The following SCN8A variants were observed in gnomAD, a reference collection of about 807,000 sequenced individuals.
SCN8A encodes sodium channel protein type 8 subunit alpha.
Under a neutral mutation model 184.1 loss-of-function variants are expected in SCN8A, and 30 were observed. The ratio of observed to expected loss-of-function variants is 0.16; its 90% confidence interval spans 0.12 to 0.22. The LOEUF is 0.22. Among genes scored for constraint, SCN8A ranks in the 10% least tolerant of loss-of-function variants. SCN8A has a pLI of 1.00. For missense variants in SCN8A, 1,057 were observed against 2,498.9 expected (o/e 0.42, Z 12.30); for synonymous variants, 852 against 907.0 (o/e 0.94, Z 1.09).
At chr12:51,752,388 G>A (rs557454278) in intron 14 of SCN8A, among the ~76,000 whole-genome samples, 64 of 151,880 alleles carry the variant, frequency 4.2e-4, no homozygotes, top group Non-Finnish European at 2.8e-4. Flanking sequence ...TTTCTCTTAT[G>A]TGTGCTCTCT....
chr12:51,772,776 T>G, intron 19 of SCN8A, among the ~76,000 whole-genome samples: 1 of 149,194 alleles, frequency 6.7e-6, no homozygotes, highest in South Asian at 2.1e-4. Context: ...GTCAGGAGAT[T>G]GAGACCATCC....
chr12:51,775,566 G>A (rs1937665769), intron 20 of SCN8A, among the ~76,000 whole-genome samples: 1 of 152,210 alleles, frequency 6.6e-6, no homozygotes, highest in Admixed American at 6.5e-5. Context: ...AGCGAGAGAT[G>A]TTAGCATCCC....
At chr12:51,694,222 C>T (rs1301252587) in intron 6 of SCN8A, among the ~76,000 whole-genome samples, 3 of 152,194 alleles carry the variant, frequency 2.0e-5, no homozygotes, top group African/African-American at 2.4e-5. Context: ...TGTGAGCCAC[C>T]GTGCCTGGCA....
In SCN8A at chr12:51,794,315, G is replaced by GT. The variant is rs1455600754; in HGVS notation, c.4525-54dup. 160 of 1,548,562 alleles carry GT rather than the reference G, an allele frequency of 1.0e-4. 1 individual carries two copies. In the African/African-American group the frequency reaches 2.0e-3, roughly 20 times the overall value. On this transcript the variant is annotated intron_variant, in intron 25 of 26. Transcript: ENST00000627620. ...ATTAGCAGGGTGACAGCTTCCATAG[G>GT]TTGGCTTGGAAAGGTTTTCATGAAT...
At chr12:51,604,323 C>G (rs1939535446) in intron 1 of SCN8A, among the ~76,000 whole-genome samples, 1 of 150,384 alleles carries the variant, frequency 6.6e-6, no homozygotes. Context: ...GTTCAAAAGA[C>G]TGTCTTTCTC....
At chr12:51,670,815 G>A (rs1941117432) in intron 2 of SCN8A, among the ~76,000 whole-genome samples, 2 of 152,068 alleles carry the variant, frequency 1.3e-5, no homozygotes, top group South Asian at 4.2e-4. Context: ...GGAAGGAATC[G>A]AGCATGCAAT....
At chr12:51,642,026 T>C (rs756399408) in intron 1 of SCN8A, among the ~76,000 whole-genome samples, 1 of 152,242 alleles carries the variant, frequency 6.6e-6, no homozygotes, top group African/African-American at 2.4e-5. Context: ...GCCCGCATTG[T>C]ATACTAGTTG....
At chr12:51,716,787 G>A (rs535672779) in intron 11 of SCN8A, among the ~76,000 whole-genome samples, 23 of 152,164 alleles carry the variant, frequency 1.5e-4, no homozygotes, top group Non-Finnish European at 3.2e-4. Context: ...GGGCTTGTAC[G>A]CTGAACCTCA....
intron 12 of SCN8A, among the ~76,000 whole-genome samples, chr12:51,745,035 G>A (rs1407540702): frequency 1.3e-5 from 2 of 152,080 alleles, no homozygotes; most frequent in African/African-American, 2.4e-5. Flanking sequence ...CTAAAGAGCT[G>A]GATTAGTTTT....
intron 26 of SCN8A, among the ~76,000 whole-genome samples, chr12:51,803,177 A>G (rs1938603041): frequency 6.6e-6 from 1 of 152,180 alleles, no homozygotes; most frequent in South Asian, 2.1e-4. Context: ...TCTGTGGCCA[A>G]AGGCCCGAGA....
chr12:51,615,334 C>A (rs780000116), intron 1 of SCN8A, among the ~76,000 whole-genome samples: 4 of 152,098 alleles, frequency 2.6e-5, no homozygotes, highest in African/African-American at 4.8e-5. Flanking sequence ...GTGGGCAGAT[C>A]GCTTGAGCCC....
chr12:51,633,486 C>T (rs1198409514), intron 1 of SCN8A, among the ~76,000 whole-genome samples: 5 of 152,208 alleles, frequency 3.3e-5, no homozygotes, highest in African/African-American at 4.8e-5. Flanking sequence ...TTTGCTTTCA[C>T]CAGTTATGCT....
At chr12:51,660,896 TG>T (rs1940912322) in intron 1 of SCN8A, among the ~76,000 whole-genome samples, 1 of 152,010 alleles carries the variant, frequency 6.6e-6, no homozygotes, top group South Asian at 2.1e-4. Flanking sequence ...AGGGATTTAT[TG>T]GGGGGCAATG....
chr12:51,627,515 G>C (rs1940105807), intron 1 of SCN8A, among the ~76,000 whole-genome samples: 2 of 152,134 alleles, frequency 1.3e-5, no homozygotes, highest in Non-Finnish European at 2.9e-5. Context: ...CCAAGTAGCT[G>C]GGATTACAGG....
intron 1 of SCN8A, among the ~76,000 whole-genome samples, chr12:51,616,940 C>T (rs1386080914): frequency 1.3e-5 from 2 of 151,692 alleles, no homozygotes; most frequent in African/African-American, 2.4e-5. Flanking sequence ...AAAAGTTTTA[C>T]TGTCTTTTGT....
At chr12:51,738,920 A>G (rs1266478753) in intron 12 of SCN8A, among the ~76,000 whole-genome samples, 1 of 152,086 alleles carries the variant, frequency 6.6e-6, no homozygotes, top group African/African-American at 2.4e-5. Context: ...GGGGACAGAC[A>G]TTGTACAGGG....
chr12:51,807,662 T>C lies in SCN8A; in HGVS notation c.*233T>C. On this transcript the variant is annotated 3_prime_UTR_variant, in exon 27 of 27. Coordinates refer to ENST00000627620, the MANE Select transcript of SCN8A (RefSeq NM_001330260.2). This position sits in a 1 kb window ranked among gnomAD's most constrained non-coding sequence, Gnocchi z 4.5. ...ATTTTCTAATGCTTGGGCAGGTGGT[T>C]ACTGCATGTTCCACATCAGTCAATG... is the stretch of plus-strand genomic sequence containing the variant. 1.7e-6 allele frequency: 1 copy of C among 575,294 alleles called. No individual in the cohort carries two copies. The highest frequency in any genetic ancestry group is 3.0e-5 in the East Asian group (1 of 33,870). 35.6% of individuals were successfully genotyped at this position (575,294 alleles called of 1,614,324 possible).
chr12:51,703,237 T>TTTTTGTTTTG lies in SCN8A; in HGVS notation c.1134+343_1134+352dup, dbSNP rs5798183. On this transcript the variant is annotated intron_variant, in intron 9 of 26. Coordinates refer to ENST00000627620, the MANE Select transcript of SCN8A (RefSeq NM_001330260.2). ...GGATATTTGGGGTTAGGGTTTGTTT[T>TTTTTGTTTTG]TTTTGTTTTGTTTTGTTTTGTTTTG... Among the ~76,000 whole-genome samples, 383 of 150,122 alleles carry TTTTTGTTTTG rather than the reference T, an allele frequency of 2.6e-3. 1 individual carries two copies. The highest frequency in any genetic ancestry group is 7.1e-3 in the East Asian group (36 of 5,076).
At chr12:51,778,306 T>C (rs777646249) in intron 20 of SCN8A, among the ~76,000 whole-genome samples, 12 of 151,148 alleles carry the variant, frequency 7.9e-5, no homozygotes, top group Non-Finnish European at 1.3e-4. Flanking sequence ...TTATTTGAGA[T>C]GGAGTTTCTC....
Sources: allele counts gnomAD v4.1 joint callset (sites outside exome capture counted in the v4.1 genomes callset), GRCh38; gene constraint gnomAD v4.1.1; non-coding constraint Gnocchi (gnomAD v3.1); transcripts MANE v1.5; gene names NCBI Gene and HGNC (gene_info 2026-07-23, HGNC 2026-07-21).